Variants in LRP1B observed in about 807,000 individuals in gnomAD.
The protein encoded by LRP1B is LDL receptor related protein 1B.
In LRP1B, 217 loss-of-function variants were observed where a neutral mutation model predicts 556.6. The observed-to-expected ratio is 0.39, with a 90% confidence interval of 0.35 to 0.44. The LOEUF is 0.44. LRP1B is among the 20% of genes least tolerant of loss of function. The pLI, the probability that LRP1B is intolerant of heterozygous loss-of-function variation, is 1.00. For synonymous variants in LRP1B, 2,047 were observed against 1,865.8 expected, an observed-to-expected ratio of 1.10 and a Z score of -2.50; for missense variants, 5,053 against 5,620.8, an observed-to-expected ratio of 0.90 and a Z score of 3.23.
At chr2:140,558,314 A>G (rs1251998515) in intron 43 of LRP1B, among the ~76,000 whole-genome samples, 1 of 152,208 alleles carries the variant, frequency 6.6e-6, no homozygotes, top group Non-Finnish European at 1.5e-5. Context: ...AAAGGATCAT[A>G]GCAGCAATAT....
intron 3 of LRP1B, among the ~76,000 whole-genome samples, chr2:141,324,831 A>G (rs570927491): frequency 1.7e-4 from 26 of 152,222 alleles, no homozygotes; most frequent in African/African-American, 6.0e-4. Flanking sequence ...CTAGATATAC[A>G]TTAATAAATG....
chr2:141,406,602 T>A (rs1690650111), intron 3 of LRP1B, among the ~76,000 whole-genome samples: 1 of 151,640 alleles, frequency 6.6e-6, no homozygotes, highest in African/African-American at 2.4e-5. Context: ...ATCATCTATC[T>A]TACATATTAT....
chr2:140,381,861 C>CAAAAAAAAAAAAAAAAAAAAAAA (rs56723132), intron 67 of LRP1B, among the ~76,000 whole-genome samples: 1 of 64,216 alleles, frequency 1.6e-5, no homozygotes. Flanking sequence ...GGCTCCCTTT[C>CAAAAAAAAAAAAAAAAAAAAAAA]AAAAAAAAAA....
intron 2 of LRP1B, among the ~76,000 whole-genome samples, chr2:141,517,020 A>AC (rs1470250962): frequency 1.0e-4 from 14 of 133,660 alleles, no homozygotes; most frequent in East Asian, 4.1e-4. Context: ...AAAAAAAAAA[A>AC]AAAAAAAAAA....
intron 2 of LRP1B, among the ~76,000 whole-genome samples, chr2:141,807,192 G>A (rs1393920088): frequency 2.0e-5 from 3 of 151,948 alleles, no homozygotes; most frequent in Admixed American, 1.3e-4. Flanking sequence ...ACAAAGTACT[G>A]TGATTACAGA....
At chr2:140,706,928 G>A (rs1357648925) in intron 37 of LRP1B, among the ~76,000 whole-genome samples, 1 of 151,852 alleles carries the variant, frequency 6.6e-6, no homozygotes, top group African/African-American at 2.4e-5. Flanking sequence ...GCTAACATTA[G>A]TGACAAAGCT....
intron 1 of LRP1B, among the ~76,000 whole-genome samples, chr2:141,887,417 C>A (rs1412131248): frequency 6.6e-6 from 1 of 152,172 alleles, no homozygotes; most frequent in Non-Finnish European, 1.5e-5. Context: ...TTATCATGTG[C>A]TATTCTTGTG....
chr2:141,697,932 C>T (rs1210451914), intron 2 of LRP1B, among the ~76,000 whole-genome samples: 7 of 151,860 alleles, frequency 4.6e-5, no homozygotes, highest in Non-Finnish European at 7.4e-5. Flanking sequence ...CTTTAGCTTA[C>T]GGTGCTTCTA....
At chr2:141,625,982 A>T (rs1688689925) in intron 2 of LRP1B, among the ~76,000 whole-genome samples, 1 of 152,120 alleles carries the variant, frequency 6.6e-6, no homozygotes. Context: ...GGAATAATTA[A>T]TTATTCTCCC....
chr2:142,111,300 A>G (rs1706981351), intron 1 of LRP1B, among the ~76,000 whole-genome samples: 1 of 152,074 alleles, frequency 6.6e-6, no homozygotes, highest in Non-Finnish European at 1.5e-5. Context: ...TATCATGGCC[A>G]GTGTTATACA....
chr2:141,769,274 C>T (rs1301700481), intron 2 of LRP1B, among the ~76,000 whole-genome samples: 1 of 152,170 alleles, frequency 6.6e-6, no homozygotes, highest in Non-Finnish European at 1.5e-5. Flanking sequence ...TCAGTCTGCT[C>T]CACTGTGCAA....
At chr2:140,542,870 T>C (rs940503030) in intron 43 of LRP1B, among the ~76,000 whole-genome samples, 1 of 152,120 alleles carries the variant, frequency 6.6e-6, no homozygotes, top group African/African-American at 2.4e-5. Context: ...CGTGCACATG[T>C]GTGCGAGCCA....
At chr2:141,052,936 C>T (rs1259493892) in intron 10 of LRP1B, among the ~76,000 whole-genome samples, 1 of 152,018 alleles carries the variant, frequency 6.6e-6, no homozygotes, top group African/African-American at 2.4e-5. Flanking sequence ...CAACACTCGC[C>T]CTTGTTGTTA....
intron 3 of LRP1B, among the ~76,000 whole-genome samples, chr2:141,349,757 C>A (rs145960949): frequency 1.1e-4 from 16 of 152,172 alleles, no homozygotes; most frequent in African/African-American, 3.6e-4. Context: ...CAGGAGTTGG[C>A]TGTGGAGGAA....
At chr2:140,992,891 G>A (rs555262865) in intron 16 of LRP1B, among the ~76,000 whole-genome samples, 1 of 151,994 alleles carries the variant, frequency 6.6e-6, no homozygotes, top group Non-Finnish European at 1.5e-5. Flanking sequence ...AGTACATAAT[G>A]TTGAAGTCAG....
Position 140,252,076 on chromosome 2 carries a change from A to AC in LRP1B, c.13248-4915_13248-4914insG, listed in dbSNP as rs1171223908. Among the ~76,000 whole-genome samples the AC allele has an allele frequency of 4.0e-4, 54 of 133,782 alleles. 1 individual carries two copies. The highest frequency in any genetic ancestry group is 1.6e-3 in the African/African-American group (53 of 32,938). The allele number at this position is 133,782 out of a possible 152,430, so 87.8% of individuals were successfully genotyped here. A position where few individuals can be genotyped will look rare whatever the true frequency, so the allele number is the denominator to read the frequency against. Reference sequence around the variant, plus strand: ...ATGACAAGATGCAAAAAAAAAAAAAAAAAAAAAAAAAAACCCAAAAAACAA... The same window carrying AC: ...ATGACAAGATGCAAAAAAAAAAAAAACAAAAAAAAAAAAACCCAAAAAACAA... On this transcript the variant is annotated intron_variant, in intron 86 of 90. Transcript: ENST00000389484.
chr2:141,621,785 G>T (rs1258456184), intron 2 of LRP1B, among the ~76,000 whole-genome samples: 3 of 152,162 alleles, frequency 2.0e-5, no homozygotes, highest in African/African-American at 7.2e-5. Context: ...ATGGGGAAAA[G>T]ATTTTAGAGG....
intron 2 of LRP1B, among the ~76,000 whole-genome samples, chr2:141,804,415 C>T (rs899063034): frequency 1.3e-5 from 2 of 151,998 alleles, no homozygotes; most frequent in Non-Finnish European, 2.9e-5. Context: ...TATTCAACAT[C>T]AAGGTTTTTG....
chr2:140,895,414 G>A (rs1002985363), intron 23 of LRP1B, among the ~76,000 whole-genome samples: 2 of 152,150 alleles, frequency 1.3e-5, no homozygotes, highest in African/African-American at 4.8e-5. Context: ...GGGGTGGCTC[G>A]TTTACTCAGC....
Sources: gnomAD v4.1 joint callset for allele counts (sites outside exome capture counted in the v4.1 genomes callset) on GRCh38, gnomAD v4.1.1 for gene constraint, MANE v1.5 for transcripts, NCBI Gene and HGNC (gene_info 2026-07-23, HGNC 2026-07-21) for gene names.